Variants in AFAP1 observed in about 807,000 individuals in gnomAD.
AFAP1 encodes actin filament-associated protein 1.
AFAP1 carries 75 observed loss-of-function variants against 93.9 expected under a neutral mutation model. The ratio of observed to expected loss-of-function variants is 0.80; its 90% CI spans 0.66 to 0.97. The LOEUF (loss-of-function observed/expected upper bound fraction) is 0.97, where lower values mean the gene tolerates loss of function less well. Ranked by LOEUF, AFAP1 falls within the 50% of genes least tolerant of loss-of-function variation. AFAP1 has a pLI of 0.00. For missense variants in AFAP1, 1,201 were observed against 1,050.8 expected (o/e 1.14, Z -1.98); for synonymous variants, 517 against 430.7 (o/e 1.20, Z -2.48).
Position 7,936,209 on chromosome 4 carries a change from T to C in AFAP1, c.-3+3447A>G, listed in dbSNP as rs191457991. On this transcript the variant is annotated intron_variant, in intron 1 of 17. Transcript: ENST00000420658. ...AAATAACTAGGAATAGCAGAGAAAA[T>C]TGTGTCTCCTTTCTACAGAGACACG... Among the ~76,000 whole-genome samples the C allele has an allele frequency of 5.7e-4, 87 of 152,312 alleles. 3 individuals carry two copies. In the East Asian group the frequency reaches 0.016, roughly 28 times the overall value.
rs58075483 is a variant in AFAP1, at chr4:7,827,569, C to CAAA, written c.727-8401_727-8399dup. ...ATGAACAAGAGTGAAACTCTGTCTCCAAAAAAAAAAAAAAAAAAAAAGGGA... is the reference window on the plus strand; with the variant it reads ...ATGAACAAGAGTGAAACTCTGTCTCCAAAAAAAAAAAAAAAAAAAAAAAAGGGA... On this transcript the variant is annotated intron_variant, in intron 6 of 17. Transcript: ENST00000420658. 5.9e-3 allele frequency among the ~76,000 whole-genome samples: 308 copies of CAAA among 52,202 alleles called. 22 individuals carry two copies. Among genetic ancestry groups the CAAA allele is most frequent in the African/African-American group, 0.022 (270 of 12,482 alleles). 34.2% of individuals were successfully genotyped at this position (52,202 alleles called of 152,430 possible).
At chr4:7,842,653 C>T (rs1713187009) in intron 5 of AFAP1, 1 of 157,022 alleles carries the variant, frequency 6.4e-6, no homozygotes, top group Non-Finnish European at 1.4e-5. Context: ...CTTCTCTGTT[C>T]CTTACTTGTC....
chr4:7,884,222 C>T (rs13146302), intron 1 of AFAP1, among the ~76,000 whole-genome samples: 16,623 of 152,216 alleles, frequency 0.11, 1,127 homozygotes, highest in Non-Finnish European at 0.16. Context: ...GAGCAAATGT[C>T]GGCACCATGC....
chr4:7,788,993 T>A (rs1198433332), intron 11 of AFAP1: 1 of 152,440 alleles, frequency 6.6e-6, no homozygotes, highest in Non-Finnish European at 1.5e-5. Context: ...CACTGCAGGA[T>A]GCCTCTGACA....
Position 7,772,911 on chromosome 4 carries a change from G to A in AFAP1, c.2162C>T (p.Thr721Met), listed in dbSNP as rs138253331. 2.6e-5 allele frequency: 42 copies of A among 1,613,946 alleles called. No homozygotes were observed. The highest frequency in any genetic ancestry group is 1.3e-4 in the African/African-American group (10 of 74,936). ...TTTCTTCAGGCTCTCCTTGACCTCC[G>A]TCAGCTCCAGCTCCAGGCTGACACG... ...AERVSLELELTEVKESLKKAL... is the reference protein window; with the variant it reads ...AERVSLELELMEVKESLKKAL... Residue 721 changes from threonine to methionine, a missense_variant, in exon 16 of 18, where the codon ACG (threonine) becomes ATG (methionine). Thr to Met is a moderately conservative substitution (Grantham distance 81). Coordinates refer to ENST00000420658, the MANE Select transcript of AFAP1 (RefSeq NM_001134647.2).
intron 6 of AFAP1, among the ~76,000 whole-genome samples, chr4:7,826,825 G>T (rs1721466757): frequency 6.6e-6 from 1 of 152,130 alleles, no homozygotes; most frequent in Non-Finnish European, 1.5e-5. Context: ...CCTTCTCCAG[G>T]GAAATAGGAC....
At chr4:7,769,155 A>G (rs1715048342) in intron 16 of AFAP1, 147 bp from the exon 17 acceptor site, 2 of 1,090,008 alleles carry the variant, frequency 1.8e-6, no homozygotes, top group Admixed American at 5.5e-5. Flanking sequence ...CCACGTGGTC[A>G]GTGCCTCACC....
intron 12 of AFAP1, among the ~76,000 whole-genome samples, chr4:7,783,760 G>A (rs141885133): frequency 3.7e-4 from 57 of 152,352 alleles, no homozygotes; most frequent in African/African-American, 1.3e-3. Flanking sequence ...GGATGATCAC[G>A]TGTGTGGTTC....
rs1382898711 is a variant in AFAP1, at chr4:7,760,718, A to T, written c.*3047T>A. The T allele has an allele frequency of 6.6e-6, 1 of 152,276 alleles. No homozygotes were observed. Among genetic ancestry groups the T allele is most frequent in the Admixed American group, 6.5e-5 (1 of 15,296 alleles). 9.4% of individuals were successfully genotyped at this position (152,276 alleles called of 1,614,324 possible). ...GGAGGTTGAAGGCTGATGACACCTT[A>T]ACAAAATAGAGCCAGGAGCAGAGCC... is the stretch of plus-strand genomic sequence containing the variant. On this transcript the variant is annotated 3_prime_UTR_variant, in exon 18 of 18. Transcript: ENST00000420658.
chr4:7,822,106 C>T (rs1462105783), intron 6 of AFAP1, among the ~76,000 whole-genome samples: 1 of 152,136 alleles, frequency 6.6e-6, no homozygotes, highest in Non-Finnish European at 1.5e-5. Flanking sequence ...CTCCAAATGA[C>T]AAGGCAAATT....
At position 7,778,886 on chromosome 4, in the gene AFAP1, TA is replaced by T; in HGVS notation, c.1783-11del. 6.4e-7 allele frequency: 1 copy of T among 1,566,936 alleles called. No individual in the cohort carries two copies. Among genetic ancestry groups the T allele is most frequent in the Non-Finnish European group, 8.8e-7 (1 of 1,139,860 alleles). ...GCTTTTTACCCTTGAGCTGTTGAAATAAACATATAAGAACATTAAAAATAAA... is the reference window on the plus strand; with the variant it reads ...GCTTTTTACCCTTGAGCTGTTGAAATAACATATAAGAACATTAAAAATAAA... On this transcript the variant is annotated splice_polypyrimidine_tract_variant and intron_variant, in intron 13 of 17. Coordinates refer to ENST00000420658, the MANE Select transcript of AFAP1 (RefSeq NM_001134647.2).
intron 4 of AFAP1, among the ~76,000 whole-genome samples, chr4:7,854,256 A>G (rs545175301): frequency 6.6e-6 from 1 of 152,334 alleles, no homozygotes; most frequent in South Asian, 2.1e-4. Flanking sequence ...CGAAAAATCC[A>G]TGACCACCTT....
chr4:7,891,441 A>G (rs1160980425), intron 1 of AFAP1, among the ~76,000 whole-genome samples: 1 of 152,206 alleles, frequency 6.6e-6, no homozygotes, highest in African/African-American at 2.4e-5. Context: ...AGGAAACACT[A>G]TATATTCTAA....
chr4:7,877,969 C>T (rs141691826), intron 1 of AFAP1, among the ~76,000 whole-genome samples: 62 of 152,220 alleles, frequency 4.1e-4, no homozygotes, highest in African/African-American at 1.3e-3. Context: ...TGCCTGACTA[C>T]GTTCAACATA....
rs1355951298 is a variant in AFAP1, at chr4:7,822,751, A to T, written c.727-3580T>A. On this transcript the variant is annotated intron_variant, in intron 6 of 17. Coordinates refer to ENST00000420658, the MANE Select transcript of AFAP1 (RefSeq NM_001134647.2). ...AGGCGCCCGCCACTGCGCCCGGCTA[A>T]TTTTTTTTTTTTTTTGTATTTTTAG... is the stretch of plus-strand genomic sequence containing the variant. 1.4e-3 allele frequency among the ~76,000 whole-genome samples: 196 copies of T among 141,404 alleles called. 2 individuals are homozygous for T. Among genetic ancestry groups the T allele is most frequent in the African/African-American group, 5.0e-3 (190 of 38,238 alleles). 92.8% of individuals were successfully genotyped at this position (141,404 alleles called of 152,430 possible).
At chr4:7,782,631 G>C (rs77574681) in intron 12 of AFAP1, among the ~76,000 whole-genome samples, 2 of 152,150 alleles carry the variant, frequency 1.3e-5, no homozygotes, top group African/African-American at 2.4e-5. Flanking sequence ...CTTTTCAGGG[G>C]TAAAGGTCTT....
chr4:7,853,976 C>A (rs551442232), intron 4 of AFAP1, among the ~76,000 whole-genome samples: 1 of 152,292 alleles, frequency 6.6e-6, no homozygotes, highest in Admixed American at 6.5e-5. Context: ...CTGCCAGCTA[C>A]GTGCAGCTCC....
intron 17 of AFAP1, among the ~76,000 whole-genome samples, chr4:7,768,070 G>A (rs1009533873): frequency 6.6e-6 from 1 of 152,174 alleles, no homozygotes; most frequent in Non-Finnish European, 1.5e-5. Flanking sequence ...GCGAGGCCCT[G>A]CCTCAAAAAA....
At chr4:7,853,945 C>T (rs1373336326) in intron 4 of AFAP1, among the ~76,000 whole-genome samples, 2 of 152,192 alleles carry the variant, frequency 1.3e-5, no homozygotes, top group South Asian at 2.1e-4. Flanking sequence ...TAAGGAACAG[C>T]CCCACTGAAG....
Sources: allele counts gnomAD v4.1 joint callset (sites outside exome capture counted in the v4.1 genomes callset), GRCh38; gene constraint gnomAD v4.1.1; transcripts MANE v1.5; gene names NCBI Gene and HGNC (gene_info 2026-07-23, HGNC 2026-07-21).